The following KCNQ3 variants were observed in gnomAD, a reference collection of about 807,000 sequenced individuals.
KCNQ3 encodes potassium voltage-gated channel subfamily KQT member 3.
In KCNQ3, 30 loss-of-function variants were observed where a neutral mutation model predicts 92.5. The ratio of observed to expected loss-of-function variants is 0.32; its 90% CI spans 0.24 to 0.44. The LOEUF is 0.44. KCNQ3 is among the 20% of genes least tolerant of loss of function. KCNQ3 has a pLI of 1.00. For synonymous variants in KCNQ3, 450 were observed against 468.8 expected (o/e 0.96, Z 0.52); for missense variants, 913 against 1,140.3 (o/e 0.80, Z 2.87).
chr8:132,209,110 A>G (rs1403736064), intron 1 of KCNQ3, among the ~76,000 whole-genome samples: 1 of 152,100 alleles, frequency 6.6e-6, no homozygotes, highest in African/African-American at 2.4e-5. Flanking sequence ...ATGGGAAGAG[A>G]GACAGGTCAC....
chr8:132,344,231 C>T (rs1818615934), intron 1 of KCNQ3, among the ~76,000 whole-genome samples: 1 of 152,228 alleles, frequency 6.6e-6, no homozygotes, highest in Non-Finnish European at 1.5e-5. Context: ...ACCCTATTCT[C>T]TACTAACATA....
intron 1 of KCNQ3, among the ~76,000 whole-genome samples, chr8:132,435,959 G>C (rs1034582795): frequency 1.3e-5 from 2 of 152,122 alleles, no homozygotes; most frequent in African/African-American, 2.4e-5. Context: ...GCTCTGCCAG[G>C]GTTGGCCCCT....
intron 1 of KCNQ3, among the ~76,000 whole-genome samples, chr8:132,436,436 T>C (rs1176544198): frequency 6.6e-6 from 1 of 152,262 alleles, no homozygotes; most frequent in African/African-American, 2.4e-5. Context: ...TTAATGCTTG[T>C]ACATTATGAG....
intron 9 of KCNQ3, among the ~76,000 whole-genome samples, chr8:132,157,312 C>CTAT (rs1183227712): frequency 6.6e-6 from 1 of 152,188 alleles, no homozygotes; most frequent in Non-Finnish European, 1.5e-5. Flanking sequence ...CATCTTTTCC[C>CTAT]TATTTTTGAA....
intron 1 of KCNQ3, among the ~76,000 whole-genome samples, chr8:132,396,002 A>G (rs1820182100): frequency 6.6e-6 from 1 of 152,220 alleles, no homozygotes. Context: ...GATTTGGGTT[A>G]CTATTACCTA....
chr8:132,355,324 C>G (rs1407408247), intron 1 of KCNQ3, among the ~76,000 whole-genome samples: 2 of 151,974 alleles, frequency 1.3e-5, no homozygotes, highest in East Asian at 3.9e-4. Context: ...CTGTGCCTCC[C>G]CTCCACTCCA....
rs371641180 is a variant in KCNQ3 at position 132,129,215 on chromosome 8, T to C, written c.*47A>G. 8 of 1,598,634 alleles carry C rather than the reference T, an allele frequency of 5.0e-6. No individual in the cohort carries two copies. The highest frequency in any genetic ancestry group is 1.3e-5 in the African/African-American group (1 of 74,864). ...GTCGGGTGTAAGAGTAAGTGAACTATACAAAGTCTGTCTACATTACAAGGA... is the reference window on the plus strand; with the variant it reads ...GTCGGGTGTAAGAGTAAGTGAACTACACAAAGTCTGTCTACATTACAAGGA... On this transcript the variant is annotated 3_prime_UTR_variant, in exon 15 of 15. Coordinates refer to ENST00000388996, the MANE Select transcript of KCNQ3 (RefSeq NM_004519.4). The surrounding 1 kb of genome is among the most constrained non-coding windows in gnomAD (Gnocchi z 5.9).
intron 1 of KCNQ3, among the ~76,000 whole-genome samples, chr8:132,282,562 C>A (rs1339727075): frequency 6.6e-6 from 1 of 152,148 alleles, no homozygotes; most frequent in Non-Finnish European, 1.5e-5. Context: ...CCCCCTGGAA[C>A]CATCTTTTTG....
At chr8:132,308,231 T>G (rs1817489313) in intron 1 of KCNQ3, among the ~76,000 whole-genome samples, 1 of 152,154 alleles carries the variant, frequency 6.6e-6, no homozygotes, top group Admixed American at 6.5e-5. Flanking sequence ...TCCTCCTCCA[T>G]GGGCTCCTGA....
chr8:132,129,538 G>A lies in KCNQ3; in HGVS notation c.2343C>T (p.Ser781=), dbSNP rs200772304. Reference sequence around the variant, plus strand: ...GAGGTGTGTCACTGTCTCGCGTGATGCTACGTCTCTGCCGGGGGGAGATTC... The same window carrying A: ...GAGGTGTGTCACTGTCTCGCGTGATACTACGTCTCTGCCGGGGGGAGATTC... ...SDRISPRQRR[S]ITRDSDTPLS... is the part of the protein sequence containing the mutation. The change falls in exon 15 of 15, where the codon AGC becomes AGT. Residue 781 remains serine, a synonymous_variant. Coordinates refer to ENST00000388996, the MANE Select transcript of KCNQ3 (RefSeq NM_004519.4). The surrounding 1 kb of genome is among the most constrained non-coding windows in gnomAD (Gnocchi z 5.9). 51 of 1,614,116 alleles carry A rather than the reference G, an allele frequency of 3.2e-5. No homozygotes were observed. The highest frequency in any genetic ancestry group is 3.5e-5 in the Non-Finnish European group (41 of 1,180,060).
At chr8:132,240,112 A>G (rs573217707) in intron 1 of KCNQ3, among the ~76,000 whole-genome samples, 1 of 150,950 alleles carries the variant, frequency 6.6e-6, no homozygotes, top group East Asian at 2.0e-4. Context: ...TTCACTACCA[A>G]CTCCTCATGC....
At chr8:132,178,981 G>C (rs972732443) in intron 4 of KCNQ3, among the ~76,000 whole-genome samples, 1 of 144,400 alleles carries the variant, frequency 6.9e-6, no homozygotes, top group East Asian at 2.0e-4. Context: ...ACAGCATCTA[G>C]TATGCCTACC....
chr8:132,342,987 T>C (rs752529442), intron 1 of KCNQ3, among the ~76,000 whole-genome samples: 5 of 152,206 alleles, frequency 3.3e-5, no homozygotes, highest in Non-Finnish European at 7.3e-5. Context: ...GGCCACTTCT[T>C]CAGGGCTAAC....
intron 1 of KCNQ3, among the ~76,000 whole-genome samples, chr8:132,358,731 A>G (rs1819082993): frequency 6.6e-6 from 1 of 152,162 alleles, no homozygotes; most frequent in Non-Finnish European, 1.5e-5. Flanking sequence ...TTTGGGGTCC[A>G]CAGACATGCT....
chr8:132,218,147 A>T (rs1203527578), intron 1 of KCNQ3, among the ~76,000 whole-genome samples: 11 of 152,188 alleles, frequency 7.2e-5, no homozygotes, highest in Admixed American at 7.2e-4. Flanking sequence ...ACGGAGAAAA[A>T]AAAGCTCTGC....
intron 1 of KCNQ3, among the ~76,000 whole-genome samples, chr8:132,191,924 A>C (rs1586817908): frequency 6.6e-6 from 1 of 152,140 alleles, no homozygotes; most frequent in East Asian, 1.9e-4. Flanking sequence ...AGACATCAAG[A>C]AGCTGTGCAG....
chr8:132,228,650 G>A (rs1189360483), intron 1 of KCNQ3, among the ~76,000 whole-genome samples: 2 of 151,738 alleles, frequency 1.3e-5, no homozygotes, highest in Non-Finnish European at 2.9e-5. Context: ...TCAGTCCCCC[G>A]TAGTAAAGGT....
chr8:132,174,359 G>A lies in KCNQ3; in HGVS notation c.934-10C>T, dbSNP rs756550944. ...TGGTGGCCAGTGTGATCTGAAGAGA[G>A]AAGAGTTCAGACATGGAGTACCACA... On this transcript the variant is annotated splice_polypyrimidine_tract_variant and intron_variant, in intron 5 of 14. Transcript: ENST00000388996. The A allele has an allele frequency of 1.6e-5, 25 of 1,533,938 alleles. No homozygotes were observed. The South Asian group carries it at 2.9e-4, about 18-fold the overall frequency.
intron 1 of KCNQ3, among the ~76,000 whole-genome samples, chr8:132,253,486 C>A (rs548931300): frequency 6.6e-6 from 1 of 152,234 alleles, no homozygotes; most frequent in East Asian, 1.9e-4. Flanking sequence ...GGAGACAGGC[C>A]CAAAGTCATG....
Sources: gnomAD v4.1 joint callset for allele counts (sites outside exome capture counted in the v4.1 genomes callset) on GRCh38, gnomAD v4.1.1 for gene constraint, Gnocchi (gnomAD v3.1) non-coding constraint, MANE v1.5 for transcripts, NCBI Gene and HGNC (gene_info 2026-07-23, HGNC 2026-07-21) for gene names.